VWA8: variants seen among roughly 807,000 people sequenced by gnomAD.
The protein encoded by VWA8 is von Willebrand factor A domain containing 8.
Under a neutral mutation model 241.5 loss-of-function variants are expected in VWA8, and 221 were observed. The ratio of observed to expected loss-of-function variants is 0.91; its 90% confidence interval spans 0.82 to 1.02. The LOEUF (loss-of-function observed/expected upper bound fraction) is 1.02. VWA8 is among the 50% of genes least tolerant of loss of function. VWA8 has a pLI of 0.00. For synonymous variants in VWA8, 852 were observed against 827.1 expected (o/e 1.03, Z -0.52); for missense variants, 2,322 against 2,328.7 (o/e 1.00, Z 0.06).
At chr13:41,595,518 T>C (rs934837468) in intron 40 of VWA8, among the ~76,000 whole-genome samples, 3 of 152,118 alleles carry the variant, frequency 2.0e-5, no homozygotes, top group African/African-American at 7.2e-5. Flanking sequence ...GTTCTGGACA[T>C]TACCTTCTCC....
At chr13:41,898,775 T>C (rs561875040) in intron 4 of VWA8, among the ~76,000 whole-genome samples, 1 of 145,866 alleles carries the variant, frequency 6.9e-6, no homozygotes, top group South Asian at 2.2e-4. Context: ...GCCGGTGGGC[T>C]GGCACTGCTG....
intron 37 of VWA8, among the ~76,000 whole-genome samples, chr13:41,644,743 T>G (rs1424677222): frequency 6.6e-6 from 1 of 152,268 alleles, no homozygotes; most frequent in African/African-American, 2.4e-5. Flanking sequence ...TTCATTAATC[T>G]TTCTTAAATG....
intron 36 of VWA8, among the ~76,000 whole-genome samples, chr13:41,674,495 A>G (rs1256322812): frequency 1.3e-5 from 2 of 152,174 alleles, no homozygotes; most frequent in Non-Finnish European, 2.9e-5. Context: ...TTTGGCATGG[A>G]GGGCAAAGAA....
chr13:41,738,729 CT>C (rs2045544241), intron 21 of VWA8, among the ~76,000 whole-genome samples: 1 of 152,020 alleles, frequency 6.6e-6, no homozygotes, highest in Non-Finnish European at 1.5e-5. Context: ...CATCATTTTC[CT>C]TTTTCCTGAA....
rs1471356650 is a variant in VWA8, at chr13:41,783,903, TA to T, written c.2171-3del. 3.1e-6 allele frequency: 5 copies of T among 1,610,824 alleles called. No individual in the cohort carries two copies. The highest frequency in any genetic ancestry group is 4.2e-6 in the Non-Finnish European group (5 of 1,177,586). ...TCAGAGTTCCAGATGTTACTTCACC[TA>T]AACATTTCACACAGGACGGATAATT... is the stretch of plus-strand genomic sequence containing the variant. On this transcript the variant is annotated splice_polypyrimidine_tract_variant and splice_region_variant and intron_variant, in intron 18 of 44. Transcript: ENST00000379310.
chr13:41,945,392 GGA>G (rs1877803100), intron 2 of VWA8, among the ~76,000 whole-genome samples: 1 of 151,384 alleles, frequency 6.6e-6, no homozygotes, highest in Non-Finnish European at 1.5e-5. Context: ...TTAAGAAATA[GGA>G]GAGTATGGCT....
chr13:41,644,831 T>C (rs2044820471), intron 37 of VWA8, among the ~76,000 whole-genome samples: 1 of 152,278 alleles, frequency 6.6e-6, no homozygotes, highest in African/African-American at 2.4e-5. Flanking sequence ...GGTGATGTTT[T>C]TGTAACCAGA....
intron 2 of VWA8, among the ~76,000 whole-genome samples, chr13:41,922,732 G>A (rs940734533): frequency 6.6e-6 from 1 of 152,196 alleles, no homozygotes; most frequent in Non-Finnish European, 1.5e-5. Flanking sequence ...AAACCACAAT[G>A]AGATACCATC....
chr13:41,731,799 C>T (rs1241641234), intron 22 of VWA8, among the ~76,000 whole-genome samples: 4 of 152,086 alleles, frequency 2.6e-5, no homozygotes, highest in South Asian at 2.1e-4. Flanking sequence ...GATGGTTTTA[C>T]GAGGGGAAAC....
chr13:41,695,140 C>A (rs929451035), intron 29 of VWA8, among the ~76,000 whole-genome samples: 2 of 152,008 alleles, frequency 1.3e-5, no homozygotes, highest in African/African-American at 4.8e-5. Flanking sequence ...CGCGAGTGAG[C>A]AATTTTATTA....
At chr13:41,837,727 C>A (rs555011097) in intron 12 of VWA8, among the ~76,000 whole-genome samples, 191 of 152,208 alleles carry the variant, frequency 1.3e-3, no homozygotes, top group African/African-American at 4.5e-3. Flanking sequence ...ATGCAAATTT[C>A]TTTTTAAAAG....
At position 41,701,454 on chromosome 13, in the gene VWA8, C is replaced by A; in HGVS notation, c.3302G>T (p.Cys1101Phe). ...ATCCAATGGTATTCTCCATGAGGCA[C>A]ATTCTTCAGTAAAGTTTAGGGATCT... is the stretch of plus-strand genomic sequence containing the variant. The part of the protein sequence containing the change: ...EERSLNFTEE[C>F]ASWRIPLDEI... The change falls in exon 28 of 45, where the codon TGT becomes TTT. Residue 1101 changes from cysteine to phenylalanine, a missense_variant. By Grantham distance (205) the Cys-to-Phe change is radical. Coordinates refer to ENST00000379310, the MANE Select transcript of VWA8 (RefSeq NM_015058.2). The A allele has an allele frequency of 6.2e-7, 1 of 1,612,420 alleles. No homozygotes were observed. Among genetic ancestry groups the A allele is most frequent in the Non-Finnish European group, 8.5e-7 (1 of 1,179,232 alleles).
At chr13:41,601,326 T>G (rs2044519729) in intron 40 of VWA8, among the ~76,000 whole-genome samples, 1 of 152,130 alleles carries the variant, frequency 6.6e-6, no homozygotes, top group African/African-American at 2.4e-5. Flanking sequence ...CTTATCAATC[T>G]CTGTGCCCTC....
intron 37 of VWA8, among the ~76,000 whole-genome samples, chr13:41,654,397 C>T (rs1054890492): frequency 6.6e-6 from 1 of 152,090 alleles, no homozygotes; most frequent in Non-Finnish European, 1.5e-5. Flanking sequence ...TAGAGCAGTC[C>T]CCAACATTTT....
At chr13:41,723,216 G>A (rs1420376264) in intron 24 of VWA8, among the ~76,000 whole-genome samples, 1 of 152,084 alleles carries the variant, frequency 6.6e-6, no homozygotes, top group African/African-American at 2.4e-5. Context: ...TAAGCTCTGG[G>A]TTCCTCTTCT....
chr13:41,917,703 AC>A (rs1876325430), intron 2 of VWA8, among the ~76,000 whole-genome samples: 1 of 152,190 alleles, frequency 6.6e-6, no homozygotes, highest in Non-Finnish European at 1.5e-5. Context: ...CTGAGTTTAC[AC>A]TCAAATTACC....
intron 35 of VWA8, among the ~76,000 whole-genome samples, chr13:41,676,424 C>T (rs923143730): frequency 2.6e-5 from 4 of 152,086 alleles, no homozygotes; most frequent in Non-Finnish European, 5.9e-5. Context: ...CTGGAACAGT[C>T]TTTTCTTCAA....
intron 14 of VWA8, among the ~76,000 whole-genome samples, chr13:41,821,624 T>C (rs568936677): frequency 6.6e-6 from 1 of 152,116 alleles, no homozygotes; most frequent in African/African-American, 2.4e-5. Flanking sequence ...TTACTAAAAT[T>C]TTAGCAACAA....
chr13:41,867,570 G>A (rs1488755103), intron 10 of VWA8, among the ~76,000 whole-genome samples: 10 of 152,152 alleles, frequency 6.6e-5, no homozygotes, highest in East Asian at 1.9e-4. Flanking sequence ...GATTTAAATC[G>A]TGTAATATAT....
Sources: allele counts gnomAD v4.1 joint callset (sites outside exome capture counted in the v4.1 genomes callset), GRCh38; gene constraint gnomAD v4.1.1; transcripts MANE v1.5; gene names NCBI Gene and HGNC (gene_info 2026-07-23, HGNC 2026-07-21).